Variants in TNKS observed in about 807,000 individuals in gnomAD.
TNKS encodes the protein tankyrase.
In TNKS, 72 loss-of-function variants were observed where a neutral mutation model predicts 135.8. The observed-to-expected ratio is 0.53, with a 90% CI of 0.44 to 0.64. TNKS has a LOEUF of 0.64. Ranked by LOEUF, TNKS falls within the 30% of genes least tolerant of loss-of-function variation. The pLI, the probability that TNKS is intolerant of heterozygous loss-of-function variation, is 0.00. For synonymous variants in TNKS, 849 were observed against 649.3 expected, an observed-to-expected ratio of 1.31 and a Z score of -4.68; for missense variants, 1,769 against 1,674.0, an observed-to-expected ratio of 1.06 and a Z score of -0.99.
chr8:9,719,145 T>G (rs1804746527), intron 11 of TNKS, among the ~76,000 whole-genome samples: 1 of 152,212 alleles, frequency 6.6e-6, no homozygotes, highest in Non-Finnish European at 1.5e-5. Flanking sequence ...CTGGCAAATG[T>G]GATAGAGTTA....
At chr8:9,598,046 A>C (rs868653058) in intron 2 of TNKS, among the ~76,000 whole-genome samples, 82 of 152,302 alleles carry the variant, frequency 5.4e-4, no homozygotes, top group African/African-American at 1.7e-3. Context: ...TTGAAAGTAC[A>C]GCAGAATGTT....
In TNKS at chr8:9,564,240, A is replaced by G. The variant is rs151127269; in HGVS notation, c.673+7628A>G. ...CTGTAAAGCATTCCCTACCCCATCA[A>G]TGAATTGAATAGGTCACAGGCCAGG... On this transcript the variant is annotated intron_variant, in intron 1 of 26. Transcript: ENST00000310430. Among the ~76,000 whole-genome samples the G allele has an allele frequency of 4.7e-3, 714 of 152,286 alleles. 9 individuals carry two copies. The highest frequency in any genetic ancestry group is 0.016 in the African/African-American group (680 of 41,560).
chr8:9,636,761 T>C (rs1800527170), intron 3 of TNKS, among the ~76,000 whole-genome samples: 2 of 152,186 alleles, frequency 1.3e-5, no homozygotes, highest in African/African-American at 4.8e-5. Context: ...CACTTCACTC[T>C]TTGAGAATAC....
chr8:9,724,250 GC>G (rs1805047916), intron 12 of TNKS, among the ~76,000 whole-genome samples: 1 of 152,040 alleles, frequency 6.6e-6, no homozygotes, highest in African/African-American at 2.4e-5. Flanking sequence ...AGGAGTTCAA[GC>G]CCAGCTTGGG....
At chr8:9,665,636 G>C (rs1801948566) in intron 3 of TNKS, among the ~76,000 whole-genome samples, 1 of 152,128 alleles carries the variant, frequency 6.6e-6, no homozygotes, top group African/African-American at 2.4e-5. Flanking sequence ...TCATCTCTTG[G>C]CATATACATG....
intron 2 of TNKS, among the ~76,000 whole-genome samples, chr8:9,592,241 C>A (rs1798615632): frequency 6.6e-6 from 1 of 152,120 alleles, no homozygotes; most frequent in African/African-American, 2.4e-5. Context: ...ATTCCCAATA[C>A]TTAAATTTTT....
chr8:9,624,190 C>G (rs1264229884), intron 3 of TNKS, among the ~76,000 whole-genome samples: 1 of 152,116 alleles, frequency 6.6e-6, no homozygotes, highest in Admixed American at 6.5e-5. Context: ...AGTGTATACT[C>G]TGAGAGCAGC....
intron 2 of TNKS, among the ~76,000 whole-genome samples, chr8:9,591,939 G>A (rs1354042451): frequency 6.6e-6 from 1 of 152,160 alleles, no homozygotes; most frequent in African/African-American, 2.4e-5. Flanking sequence ...GAGGGCTGCT[G>A]CTTCAAATGC....
intron 5 of TNKS, among the ~76,000 whole-genome samples, chr8:9,699,980 C>T (rs527776478): frequency 1.3e-5 from 2 of 152,292 alleles, no homozygotes; most frequent in East Asian, 3.9e-4. Context: ...GGATTCTTCA[C>T]ACAACCTGGA....
chr8:9,732,274 T>C (rs1805484701), intron 14 of TNKS, among the ~76,000 whole-genome samples: 1 of 152,204 alleles, frequency 6.6e-6, no homozygotes, highest in African/African-American at 2.4e-5. Context: ...TTATTTTGTC[T>C]AGGCAAAGCT....
At chr8:9,744,563 A>C (rs1806138626) in intron 17 of TNKS, among the ~76,000 whole-genome samples, 1 of 152,150 alleles carries the variant, frequency 6.6e-6, no homozygotes, top group Non-Finnish European at 1.5e-5. Context: ...TTGCAGCTGG[A>C]TTCTGAAACT....
chr8:9,590,931 T>C (rs1276091727), intron 2 of TNKS, among the ~76,000 whole-genome samples: 3 of 152,254 alleles, frequency 2.0e-5, no homozygotes, highest in Non-Finnish European at 2.9e-5. Flanking sequence ...TTAAAAAGTC[T>C]GTTTCTGCTT....
chr8:9,595,296 T>G (rs1336238457), intron 2 of TNKS, among the ~76,000 whole-genome samples: 1 of 152,012 alleles, frequency 6.6e-6, no homozygotes. Context: ...TAAACAAGTC[T>G]CAGTGTAGCA....
intron 1 of TNKS, among the ~76,000 whole-genome samples, chr8:9,571,467 TC>T (rs1385693860): frequency 3.9e-5 from 6 of 152,278 alleles, no homozygotes; most frequent in Admixed American, 2.0e-4. Context: ...CACGTTTTTT[TC>T]TTTTTTTGAG....
At chr8:9,687,420 A>G (rs1043038668) in intron 5 of TNKS, among the ~76,000 whole-genome samples, 6 of 152,198 alleles carry the variant, frequency 3.9e-5, no homozygotes, top group Non-Finnish European at 5.9e-5. Flanking sequence ...ATGTTGGGAT[A>G]TATTGTATAA....
chr8:9,762,690 C>T (rs912120050), intron 21 of TNKS, among the ~76,000 whole-genome samples: 1 of 152,064 alleles, frequency 6.6e-6, no homozygotes, highest in African/African-American at 2.4e-5. Flanking sequence ...ATCATGAGGT[C>T]AGGAGATTGA....
At chr8:9,577,767 C>T (rs997924428) in intron 1 of TNKS, among the ~76,000 whole-genome samples, 4 of 152,176 alleles carry the variant, frequency 2.6e-5, no homozygotes, top group African/African-American at 9.7e-5. Context: ...TCATATCCTT[C>T]TCATATTTCA....
At chr8:9,612,451 G>C (rs1197732971) in intron 2 of TNKS, among the ~76,000 whole-genome samples, 2 of 152,114 alleles carry the variant, frequency 1.3e-5, no homozygotes, top group Admixed American at 6.5e-5. Context: ...CATTTATATA[G>C]CACTGCCCAG....
At chr8:9,572,815 G>A (rs571868757) in intron 1 of TNKS, among the ~76,000 whole-genome samples, 2 of 152,284 alleles carry the variant, frequency 1.3e-5, no homozygotes, top group Middle Eastern at 3.4e-3. Context: ...ACTCAAAAGT[G>A]TCTGGAACCG....
Sources: gnomAD v4.1 joint callset for allele counts (sites outside exome capture counted in the v4.1 genomes callset) on GRCh38, gnomAD v4.1.1 for gene constraint, MANE v1.5 for transcripts, NCBI Gene and HGNC (gene_info 2026-07-23, HGNC 2026-07-21) for gene names.